Variants in MIOX observed in about 807,000 individuals in gnomAD.
The protein encoded by MIOX is inositol oxygenase.
In MIOX, 51 loss-of-function variants were observed where a neutral mutation model predicts 42.7. The ratio of observed to expected loss-of-function variants is 1.19; its 90% CI spans 0.95 to 1.51. MIOX has a LOEUF of 1.51. Among genes scored for constraint, MIOX ranks in the 40% most tolerant of loss-of-function variants. MIOX has a pLI of 0.00. For missense variants in MIOX, 395 were observed against 381.3 expected, an observed-to-expected ratio of 1.04 and a Z score of -0.30; for synonymous variants, 168 against 154.4, an observed-to-expected ratio of 1.09 and a Z score of -0.65.
chr22:50,487,830 G>A (rs887010952), intron 3 of MIOX, 56 bp from the exon 4 acceptor site: 1 of 1,612,008 alleles, frequency 6.2e-7, no homozygotes. Context: ...GGATGGAGAG[G>A]CCTGTGTGGT....
At chr22:50,487,813 G>A (rs922377264) in intron 3 of MIOX, 71 bp downstream of exon 3, 13 of 1,610,558 alleles carry the variant, frequency 8.1e-6, no homozygotes, top group East Asian at 2.2e-5. Context: ...CCCACCAGGC[G>A]CCGAGGGGAT....
In MIOX at chr22:50,488,260, C is replaced by G; in HGVS notation, c.341-15C>G. 6.2e-7 allele frequency: 1 copy of G among 1,613,694 alleles called. No individual in the cohort carries two copies. Among genetic ancestry groups the G allele is most frequent in the Non-Finnish European group, 8.5e-7 (1 of 1,179,772 alleles). ...CCCTGCAGTCCCCAACCTGCCCTGTCCATCCCCCTCCCAGACTGGTTCCAC... is the reference window on the plus strand; with the variant it reads ...CCCTGCAGTCCCCAACCTGCCCTGTGCATCCCCCTCCCAGACTGGTTCCAC... On this transcript the variant is annotated splice_polypyrimidine_tract_variant and intron_variant, in intron 4 of 9. Coordinates refer to ENST00000216075, the MANE Select transcript of MIOX (RefSeq NM_017584.6).
In MIOX at chr22:50,489,570, G is replaced by A. The variant is rs749504831; in HGVS notation, c.675G>A (p.Trp225Ter). The A allele has an allele frequency of 6.9e-5, 112 of 1,612,484 alleles. No homozygotes were observed. Among genetic ancestry groups the A allele is most frequent in the Non-Finnish European group, 8.5e-5 (100 of 1,179,874 alleles). Residue 225 changes from tryptophan to a stop codon, truncating the protein, a stop_gained, in exon 9 of 10, where the codon TGG becomes TGA. Coordinates refer to ENST00000216075, the MANE Select transcript of MIOX (RefSeq NM_017584.6). LOFTEE classifies it high-confidence loss of function. ...YMIRFHSFYPWHTGRDYQQLC... is the reference protein window; with the variant it reads ...YMIRFHSFYP ...TCCGGTTCCACTCCTTCTACCCCTG[G>A]CACACGGGCCGCGACTACCAGCAGC...
intron 4 of MIOX, 46 bp from the exon 5 acceptor site, chr22:50,488,229 C>G (rs775814008): frequency 8.7e-6 from 14 of 1,612,414 alleles, no homozygotes; most frequent in African/African-American, 1.3e-5. Context: ...CATCCTCTGC[C>G]TTGGCCCCTG....
At chr22:50,488,767 C>CTGCAGTGGGCGGTCGT (rs1569516508) in intron 5 of MIOX, among the ~76,000 whole-genome samples, 1 of 91,454 alleles carries the variant, frequency 1.1e-5, no homozygotes, top group African/African-American at 5.1e-5. Flanking sequence ...TCCTGTCCCT[C>CTGCAGTGGGCGGTCGT]CTGTCCCTCC....
intron 5 of MIOX, 21 bp downstream of exon 5, chr22:50,488,363 G>T (rs1467495135): frequency 8.3e-6 from 13 of 1,573,422 alleles, no homozygotes; most frequent in Admixed American, 1.8e-5. Context: ...GAAGTGGAGG[G>T]TGAGGAGGCT....
In MIOX at chr22:50,487,389, C is replaced by T; in HGVS notation, c.20C>T (p.Pro7Leu). 1 of 1,613,208 alleles carries T rather than the reference C, an allele frequency of 6.2e-7. No individual in the cohort carries two copies. Among genetic ancestry groups the T allele is most frequent in the South Asian group, 1.1e-5 (1 of 91,016 alleles). ...TTCAATCCTCCACCTACCCAGGGCC[C>T]AGACCCTTCCCTGGTCTACCGACCT... MKVTVGPDPSLVYRPDV... is the reference protein window; with the variant it reads MKVTVGLDPSLVYRPDV... Residue 7 changes from proline to leucine, a missense_variant, in exon 2 of 10, where the codon CCA (proline) becomes CTA (leucine). Transcript: ENST00000216075.
intron 9 of MIOX, 23 bp downstream of exon 9, chr22:50,489,667 G>A: frequency 1.2e-6 from 2 of 1,608,892 alleles, no homozygotes; most frequent in Non-Finnish European, 1.7e-6. Flanking sequence ...ACCCGCCGAG[G>A]GGTGTTGTGG....
chr22:50,487,278 C>A (rs1408364109), intron 1 of MIOX, 107 bp from the exon 2 acceptor site: 5 of 930,196 alleles, frequency 5.4e-6, no homozygotes, highest in Non-Finnish European at 8.4e-6. Flanking sequence ...CACCCACCAG[C>A]CCTCGAGCAG....
At chr22:50,488,145 C>T in intron 4 of MIOX, 97 bp downstream of exon 4, 6 of 1,585,482 alleles carry the variant, frequency 3.8e-6, no homozygotes, top group Non-Finnish European at 5.2e-6. Flanking sequence ...GGGCCCAGGC[C>T]TCCTCCAGCA....
At position 50,487,388 on chromosome 22, in the gene MIOX, C is replaced by G; in HGVS notation, c.19C>G (p.Pro7Ala). Residue 7 changes from proline to alanine, a missense_variant, in exon 2 of 10, where the codon CCA becomes GCA. Transcript: ENST00000216075. Reference sequence around the variant, plus strand: ...GTTCAATCCTCCACCTACCCAGGGCCCAGACCCTTCCCTGGTCTACCGACC... The same window carrying G: ...GTTCAATCCTCCACCTACCCAGGGCGCAGACCCTTCCCTGGTCTACCGACC... Reference protein sequence around the residue: MKVTVGPDPSLVYRPDV... With the variant: MKVTVGADPSLVYRPDV... The G allele has an allele frequency of 1.9e-6, 3 of 1,613,108 alleles. No homozygotes were observed. The highest frequency in any genetic ancestry group is 2.5e-6 in the Non-Finnish European group (3 of 1,179,400).
At position 50,489,894 on chromosome 22, in the gene MIOX, G is replaced by A; in HGVS notation, c.*38G>A. 1.3e-6 allele frequency: 2 copies of A among 1,586,534 alleles called. No homozygotes were observed. Among genetic ancestry groups the A allele is most frequent in the South Asian group, 2.2e-5 (2 of 90,604 alleles). On this transcript the variant is annotated 3_prime_UTR_variant, in exon 10 of 10. Transcript: ENST00000216075. ...CCAAGCTGCTGCTGGACCTAGGCCT[G>A]GCCCTCCGCCTGCCTGGAGAGGCCT...
chr22:50,488,184 G>A (rs1603437574), intron 4 of MIOX, 91 bp from the exon 5 acceptor site: 1 of 1,592,972 alleles, frequency 6.3e-7, no homozygotes, highest in East Asian at 2.3e-5. Flanking sequence ...AGCAGGCCCT[G>A]GACCCTTCCT....
rs1369165181 is a variant in MIOX, at chr22:50,488,463, CCCGACGG to C, written c.408+123_408+129del. On this transcript the variant is annotated intron_variant, in intron 5 of 9. Coordinates refer to ENST00000216075, the MANE Select transcript of MIOX (RefSeq NM_017584.6). The stretch of plus-strand genomic sequence containing the variant: ...CAGGCCAGTGCACCCCCCACGGCCC[CCCGACGG>C]CTGCCTGTCCCTCTGGTGGCCTCGG... 176 of 804,232 alleles carry C rather than the reference CCCGACGG, an allele frequency of 2.2e-4. 6 individuals carry two copies. Among genetic ancestry groups the C allele is most frequent in the African/African-American group, 4.4e-4 (25 of 57,052 alleles). The allele number at this position is 804,232 out of a possible 1,614,324, so 49.8% of individuals were successfully genotyped here. A position where few individuals can be genotyped will look rare whatever the true frequency, so the allele number is the denominator to read the frequency against.
rs1389490059 is a variant in MIOX at position 50,489,287 on chromosome 22, G to A, written c.578G>A (p.Gly193Asp). 2 of 1,582,120 alleles carry A rather than the reference G, an allele frequency of 1.3e-6. No homozygotes were observed. Among genetic ancestry groups the A allele is most frequent in the Middle Eastern group, 1.7e-4 (1 of 6,006 alleles). The change falls in exon 7 of 10, where the codon GGC (glycine) becomes GAC (aspartate). Residue 193 changes from glycine to aspartate, a missense_variant. Gly to Asp is a moderately conservative substitution (Grantham distance 94, BLOSUM62 -1). Coordinates refer to ENST00000216075, the MANE Select transcript of MIOX (RefSeq NM_017584.6). Reference sequence around the variant, plus strand: ...CTCGACAGGGTCCTCATGTCCTGGGGCCATGATGGTGAGGCCAGAGGCGGG... The same window carrying A: ...CTCGACAGGGTCCTCATGTCCTGGGACCATGATGGTGAGGCCAGAGGCGGG... Reference protein sequence around the residue: ...CGLDRVLMSWGHDEYMYQVMK... With the variant: ...CGLDRVLMSWDHDEYMYQVMK...
rs1436294149 is a variant in MIOX, at chr22:50,490,016, G to A, written c.*160G>A. The A allele has an allele frequency of 2.5e-5, 16 of 634,962 alleles. No individual in the cohort carries two copies. The highest frequency in any genetic ancestry group is 5.3e-5 in the Admixed American group (2 of 37,384). 39.3% of individuals were successfully genotyped at this position (634,962 alleles called of 1,614,324 possible). A position where few individuals can be genotyped will look rare whatever the true frequency, so the allele number is the denominator to read the frequency against. ...CCCCTCACGGCAACTTGTGCCTGGC[G>A]TCAATAAAGACCTGGAAGGATGTTG... On this transcript the variant is annotated 3_prime_UTR_variant, in exon 10 of 10. Transcript: ENST00000216075.
At position 50,487,992 on chromosome 22, in the gene MIOX, A is replaced by G. The variant is rs143644056; in HGVS notation, c.284A>G (p.Asn95Ser). 9 of 1,613,596 alleles carry G rather than the reference A, an allele frequency of 5.6e-6. No individual in the cohort carries two copies. The highest frequency in any genetic ancestry group is 1.3e-5 in the African/African-American group (1 of 74,882). Residue 95 changes from asparagine (N) to serine (S), a missense_variant, in exon 4 of 10, where the codon AAC becomes AGC. Asn to Ser is a conservative substitution (Grantham distance 46, BLOSUM62 1). Transcript: ENST00000216075. ...TCGGACCCGGACGTAGATTTCCCCA[A>G]CTCCTTCCATGCCTTCCAGACAGCG... The part of the protein sequence containing the change: ...DESDPDVDFP[N>S]SFHAFQTAEG...
At chr22:50,488,072 G>T in intron 4 of MIOX, 24 bp downstream of exon 4, 1 of 1,612,644 alleles carries the variant, frequency 6.2e-7, no homozygotes, top group Non-Finnish European at 8.5e-7. Context: ...GTGCTGCAGG[G>T]GGGCAGGTGC....
chr22:50,487,498 C>T, intron 2 of MIOX, 33 bp downstream of exon 2: 1 of 1,600,514 alleles, frequency 6.2e-7, no homozygotes, highest in Non-Finnish European at 8.6e-7. Flanking sequence ...CCCCTTCTCC[C>T]CCATCCACAC....
Sources: gnomAD v4.1 joint callset for allele counts (sites outside exome capture counted in the v4.1 genomes callset) on GRCh38, gnomAD v4.1.1 for gene constraint, MANE v1.5 for transcripts, NCBI Gene and HGNC (gene_info 2026-07-23, HGNC 2026-07-21) for gene names.